GPC6: variants seen among roughly 807,000 people sequenced by gnomAD.
The protein encoded by GPC6 is glypican 6, also known as glypican-6.
Under a neutral mutation model 55.2 loss-of-function variants are expected in GPC6, and 14 were observed. The observed-to-expected ratio is 0.25, with a 90% CI of 0.17 to 0.40. The LOEUF (loss-of-function observed/expected upper bound fraction) is 0.40, where lower values mean the gene tolerates loss of function less well. GPC6 is among the 10% of genes least tolerant of loss of function. GPC6 has a pLI of 1.00. For missense variants in GPC6, 641 were observed against 708.5 expected (o/e 0.90, Z 1.08); for synonymous variants, 278 against 259.6 (o/e 1.07, Z -0.68).
intron 6 of GPC6, among the ~76,000 whole-genome samples, chr13:94,327,511 G>A (rs556578448): frequency 3.8e-4 from 57 of 151,366 alleles, no homozygotes; most frequent in Admixed American, 9.9e-4. Flanking sequence ...ATCACGGTTC[G>A]TTTACTGCAG....
chr13:93,342,036 T>C (rs548660889), intron 1 of GPC6, among the ~76,000 whole-genome samples: 1 of 151,804 alleles, frequency 6.6e-6, no homozygotes, highest in Admixed American at 6.6e-5. Context: ...ACCCACCTAA[T>C]TTTTTTGTAT....
chr13:93,565,387 T>C (rs1192225094), intron 2 of GPC6, among the ~76,000 whole-genome samples: 3 of 152,220 alleles, frequency 2.0e-5, no homozygotes, highest in Non-Finnish European at 4.4e-5. Flanking sequence ...GGCAACATTT[T>C]AACAATAAAC....
chr13:94,283,069 C>G (rs546317593), intron 4 of GPC6, among the ~76,000 whole-genome samples: 4 of 152,350 alleles, frequency 2.6e-5, no homozygotes, highest in African/African-American at 9.6e-5. Context: ...AAAAGATCAC[C>G]AGCTTTGCAT....
chr13:94,386,495 C>T (rs1880416628), intron 7 of GPC6, among the ~76,000 whole-genome samples: 1 of 152,118 alleles, frequency 6.6e-6, no homozygotes. Flanking sequence ...AAGGCTGAGG[C>T]AGGAGGATCA....
At chr13:93,936,904 A>G (rs1878464274) in intron 3 of GPC6, among the ~76,000 whole-genome samples, 1 of 152,194 alleles carries the variant, frequency 6.6e-6, no homozygotes, top group South Asian at 2.1e-4. Context: ...TTCTTGCAGC[A>G]TCCTAAATTT....
chr13:93,296,697 C>G (rs1204708394), intron 1 of GPC6, among the ~76,000 whole-genome samples: 2 of 152,260 alleles, frequency 1.3e-5, no homozygotes, highest in Non-Finnish European at 2.9e-5. Flanking sequence ...GTGGGGGCAT[C>G]TGAGCCATGA....
At chr13:93,940,234 C>G (rs755214342) in intron 3 of GPC6, among the ~76,000 whole-genome samples, 2 of 151,946 alleles carry the variant, frequency 1.3e-5, no homozygotes, top group East Asian at 1.9e-4. Flanking sequence ...TTAATAGAAG[C>G]CATTACTTTT....
chr13:93,325,098 T>C (rs1879609110), intron 1 of GPC6, among the ~76,000 whole-genome samples: 1 of 115,928 alleles, frequency 8.6e-6, no homozygotes, highest in African/African-American at 3.0e-5. Context: ...GGATGAAAGA[T>C]GAAAAATTTG....
At chr13:94,262,735 A>C (rs1325881134) in intron 4 of GPC6, among the ~76,000 whole-genome samples, 1 of 152,012 alleles carries the variant, frequency 6.6e-6, no homozygotes, top group South Asian at 2.1e-4. Context: ...ACATGCTTAG[A>C]GTAAGGAAAG....
intron 3 of GPC6, among the ~76,000 whole-genome samples, chr13:93,856,356 C>T (rs1244720716): frequency 1.3e-5 from 2 of 151,562 alleles, no homozygotes. Context: ...GTCATCCAAA[C>T]ATTAACAATC....
At chr13:94,362,535 G>A (rs1029444662) in intron 6 of GPC6, among the ~76,000 whole-genome samples, 1 of 152,130 alleles carries the variant, frequency 6.6e-6, no homozygotes, top group Non-Finnish European at 1.5e-5. Flanking sequence ...TCGGGGATAA[G>A]ACTGGTAAGG....
intron 2 of GPC6, among the ~76,000 whole-genome samples, chr13:93,691,421 C>T (rs1172903558): frequency 1.3e-5 from 2 of 150,688 alleles, no homozygotes; most frequent in Admixed American, 6.6e-5. Context: ...TCTTTAAACT[C>T]CTCTGTATTT....
intron 6 of GPC6, among the ~76,000 whole-genome samples, chr13:94,320,586 C>T (rs764028310): frequency 2.0e-5 from 3 of 152,210 alleles, no homozygotes; most frequent in South Asian, 4.1e-4. Flanking sequence ...GTTAGTGATA[C>T]TGGCTCGTCA....
intron 4 of GPC6, among the ~76,000 whole-genome samples, chr13:94,181,279 C>G (rs757214407): frequency 3.9e-5 from 6 of 152,132 alleles, no homozygotes; most frequent in Admixed American, 6.5e-5. Flanking sequence ...GGGTCGCCAT[C>G]ACTGTCCTAC....
Position 94,403,555 on chromosome 13 carries a change from A to C in GPC6, c.*338A>C, listed in dbSNP as rs7327686. On this transcript the variant is annotated 3_prime_UTR_variant, in exon 9 of 9. Transcript: ENST00000377047. The stretch of plus-strand genomic sequence containing the variant: ...ACGTTGTGAGGGTTTTTTTTTTCTC[A>C]TTTAAAATAAAAAAGGAAGAAAGAA... 0.012 allele frequency: 3,357 copies of C among 290,122 alleles called. 126 individuals are homozygous for C. The highest frequency in any genetic ancestry group is 0.068 in the African/African-American group (3,151 of 46,092). The allele number at this position is 290,122 out of a possible 1,614,324, so 18.0% of individuals were successfully genotyped here.
intron 1 of GPC6, among the ~76,000 whole-genome samples, chr13:93,300,773 A>C (rs894542715): frequency 5.9e-5 from 9 of 152,068 alleles, no homozygotes; most frequent in Non-Finnish European, 1.3e-4. Flanking sequence ...TAATCCCAGC[A>C]CTTTGGGAGG....
intron 4 of GPC6, among the ~76,000 whole-genome samples, chr13:94,084,747 C>G (rs985439998): frequency 1.3e-5 from 2 of 152,086 alleles, no homozygotes; most frequent in Non-Finnish European, 2.9e-5. Context: ...CTCAAGATCA[C>G]AAAGCTTATT....
intron 1 of GPC6, among the ~76,000 whole-genome samples, chr13:93,286,929 C>T (rs564282185): frequency 6.6e-6 from 1 of 152,050 alleles, no homozygotes; most frequent in Non-Finnish European, 1.5e-5. Flanking sequence ...CCACATGACA[C>T]CACAAGTGGA....
At chr13:93,389,625 T>C (rs1326132346) in intron 1 of GPC6, among the ~76,000 whole-genome samples, 1 of 152,104 alleles carries the variant, frequency 6.6e-6, no homozygotes, top group African/African-American at 2.4e-5. Flanking sequence ...ACACACAGAA[T>C]GTATGTATAT....
Sources: gnomAD v4.1 joint callset for allele counts (sites outside exome capture counted in the v4.1 genomes callset) on GRCh38, gnomAD v4.1.1 for gene constraint, MANE v1.5 for transcripts, NCBI Gene and HGNC (gene_info 2026-07-23, HGNC 2026-07-21) for gene names.